STK32B: variants seen among roughly 807,000 people sequenced by gnomAD.
STK32B encodes the protein serine/threonine-protein kinase 32B.
In STK32B, 43 loss-of-function variants were observed where a neutral mutation model predicts 52.6. The ratio of observed to expected loss-of-function variants is 0.82; its 90% CI spans 0.64 to 1.05. STK32B has a LOEUF of 1.05. Ranked by LOEUF, STK32B falls within the 50% of genes least tolerant of loss-of-function variation. The pLI, the probability that STK32B is intolerant of heterozygous loss-of-function variation, is 0.00. For synonymous variants in STK32B, 238 were observed against 204.3 expected, an observed-to-expected ratio of 1.17 and a Z score of -1.41; for missense variants, 621 against 534.6, an observed-to-expected ratio of 1.16 and a Z score of -1.59.
chr4:5,412,799 A>G (rs1316142956), intron 5 of STK32B, among the ~76,000 whole-genome samples: 2 of 152,140 alleles, frequency 1.3e-5, no homozygotes, highest in Non-Finnish European at 2.9e-5. Context: ...CCCCCTCTTT[A>G]TGAGTTTCCC....
intron 4 of STK32B, among the ~76,000 whole-genome samples, chr4:5,344,646 GT>G (rs773884561): frequency 4.0e-4 from 60 of 150,492 alleles, no homozygotes; most frequent in Non-Finnish European, 6.9e-4. Flanking sequence ...CCTTATCTGA[GT>G]TTTTTGTTTT....
At chr4:5,406,077 G>A (rs1342088632) in intron 5 of STK32B, among the ~76,000 whole-genome samples, 1 of 152,152 alleles carries the variant, frequency 6.6e-6, no homozygotes, top group African/African-American at 2.4e-5. Context: ...GGCATTACAG[G>A]CATTGGGTAA....
chr4:5,099,447 T>TGTGTGC (rs138831964), intron 1 of STK32B, among the ~76,000 whole-genome samples: 1 of 80,574 alleles, frequency 1.2e-5, no homozygotes, highest in African/African-American at 6.4e-5. Context: ...TGTGTGTGTG[T>TGTGTGC]GTGCGCGCGC....
At chr4:5,234,011 A>C (rs1469207023) in intron 3 of STK32B, among the ~76,000 whole-genome samples, 1 of 151,960 alleles carries the variant, frequency 6.6e-6, no homozygotes, top group Non-Finnish European at 1.5e-5. Flanking sequence ...TCTTGCCCTG[A>C]CCTGGATCTG....
intron 11 of STK32B, among the ~76,000 whole-genome samples, chr4:5,490,976 T>A (rs1408604481): frequency 2.0e-5 from 3 of 152,244 alleles, no homozygotes; most frequent in Admixed American, 1.3e-4. Flanking sequence ...TCTATCATTG[T>A]TGGACATTTG....
At chr4:5,059,034 A>G (rs1047968095) in intron 1 of STK32B, among the ~76,000 whole-genome samples, 3 of 125,516 alleles carry the variant, frequency 2.4e-5, no homozygotes, top group Admixed American at 9.2e-5. Context: ...TACAGGCGTG[A>G]GCCACCACGC....
At chr4:5,231,567 G>A (rs1405465670) in intron 3 of STK32B, among the ~76,000 whole-genome samples, 1 of 152,166 alleles carries the variant, frequency 6.6e-6, no homozygotes, top group African/African-American at 2.4e-5. Flanking sequence ...AGCCGAGATT[G>A]CACCACGGCA....
intron 4 of STK32B, among the ~76,000 whole-genome samples, chr4:5,370,992 G>A (rs1324955397): frequency 6.2e-5 from 9 of 146,304 alleles, no homozygotes; most frequent in Admixed American, 2.1e-4. Flanking sequence ...ATATGTGTGT[G>A]TGTGTATATA....
intron 1 of STK32B, chr4:5,139,666 C>CGTA: frequency 1.9e-6 from 1 of 527,054 alleles, no homozygotes; most frequent in East Asian, 3.1e-5. Context: ...ACTGCAGAGC[C>CGTA]TCATCAAGAA....
chr4:5,240,668 C>A (rs1429363829), intron 3 of STK32B, among the ~76,000 whole-genome samples: 4 of 152,130 alleles, frequency 2.6e-5, no homozygotes, highest in Admixed American at 2.0e-4. Context: ...CCATGTTGGC[C>A]AGGCTGGTTT....
At chr4:5,436,351 G>T (rs1051102817) in intron 6 of STK32B, among the ~76,000 whole-genome samples, 40 of 152,326 alleles carry the variant, frequency 2.6e-4, no homozygotes, top group African/African-American at 8.7e-4. Flanking sequence ...GTCATTGGCT[G>T]CTCAGAATCC....
intron 1 of STK32B, among the ~76,000 whole-genome samples, chr4:5,138,565 T>TTC (rs1716217046): frequency 6.6e-6 from 1 of 152,192 alleles, no homozygotes; most frequent in South Asian, 2.1e-4. Flanking sequence ...TATTGAACAG[T>TTC]AACTGTGTAC....
At chr4:5,245,866 A>T (rs997251949) in intron 3 of STK32B, among the ~76,000 whole-genome samples, 3 of 152,210 alleles carry the variant, frequency 2.0e-5, no homozygotes, top group African/African-American at 7.2e-5. Context: ...TTCTGGGTTG[A>T]AAATTCTTTT....
chr4:5,139,225 T>A (rs1000291084), intron 1 of STK32B, among the ~76,000 whole-genome samples: 1 of 152,026 alleles, frequency 6.6e-6, no homozygotes, highest in South Asian at 2.1e-4. Flanking sequence ...GAGTCCCAGG[T>A]TTTGCACATA....
chr4:5,499,111 C>A lies in STK32B; in HGVS notation c.*28C>A. 1 of 1,588,004 alleles carries A rather than the reference C, an allele frequency of 6.3e-7. No homozygotes were observed. On this transcript the variant is annotated 3_prime_UTR_variant, in exon 12 of 12. Coordinates refer to ENST00000282908, the MANE Select transcript of STK32B (RefSeq NM_018401.3). ...CCACACTTGTTGCTGCTCAACAGGA[C>A]TGCACTCGTCTCTGCCCTGCCCACC...
chr4:5,221,347 A>C (rs1723524957), intron 3 of STK32B, among the ~76,000 whole-genome samples: 2 of 152,222 alleles, frequency 1.3e-5, no homozygotes, highest in Admixed American at 6.5e-5. Context: ...TCAAGAAAAT[A>C]AAATTAGCAG....
chr4:5,306,258 G>A (rs1047564305), intron 3 of STK32B, among the ~76,000 whole-genome samples: 2 of 152,084 alleles, frequency 1.3e-5, no homozygotes, highest in Non-Finnish European at 2.9e-5. Context: ...TTGTTTCTTT[G>A]TGGACTTTCT....
chr4:5,314,002 C>T (rs1730488015), intron 3 of STK32B, among the ~76,000 whole-genome samples: 1 of 151,950 alleles, frequency 6.6e-6, no homozygotes, highest in Non-Finnish European at 1.5e-5. Context: ...AACAGTTGTC[C>T]TCTAAGTGAT....
chr4:5,277,881 A>T (rs1408213020), intron 3 of STK32B, among the ~76,000 whole-genome samples: 1 of 152,178 alleles, frequency 6.6e-6, no homozygotes, highest in African/African-American at 2.4e-5. Context: ...TTTGACCCAC[A>T]CTAAACCTGG....
Sources: allele counts gnomAD v4.1 joint callset (sites outside exome capture counted in the v4.1 genomes callset), GRCh38; gene constraint gnomAD v4.1.1; transcripts MANE v1.5; gene names NCBI Gene and HGNC (gene_info 2026-07-23, HGNC 2026-07-21).